PTPRA: variants seen among roughly 807,000 people sequenced by gnomAD.
PTPRA encodes the protein protein tyrosine phosphatase receptor type A, also known as receptor-type tyrosine-protein phosphatase alpha.
A neutral mutation model predicts 104.8 loss-of-function variants in PTPRA; 25 were observed. The ratio of observed to expected loss-of-function variants is 0.24; its 90% CI spans 0.17 to 0.33. The LOEUF (loss-of-function observed/expected upper bound fraction) is 0.33. Ranked by LOEUF, PTPRA falls within the 10% of genes least tolerant of loss-of-function variation. The probability of loss-of-function intolerance (pLI) is 1.00; values close to 1 mark genes in which losing one functional copy is unlikely to be tolerated. For synonymous variants in PTPRA, 323 were observed against 368.9 expected, an observed-to-expected ratio of 0.88 and a Z score of 1.43; for missense variants, 765 against 1,015.3, an observed-to-expected ratio of 0.75 and a Z score of 3.35.
chr20:3,029,540 C>CTTTTTTTTTTTTTTTTT (rs71195813), intron 20 of PTPRA, among the ~76,000 whole-genome samples: 1,103 of 78,002 alleles, frequency 0.014, 240 homozygotes, highest in East Asian at 0.022. Context: ...TCTTCATCAT[C>CTTTTTTTTTTTTTTTTT]TTTTTTTTTT....
chr20:2,864,913 G>T, the PTPRA span: 232 of 1,604,282 alleles, frequency 1.4e-4, no homozygotes, highest in African/African-American at 2.6e-3. This position sits in a 1 kb window ranked among gnomAD's most constrained non-coding sequence, Gnocchi z 5.2. Context: ...GAAGACTGTA[G>T]CCTGGGTGAG....
intron 3 of PTPRA, among the ~76,000 whole-genome samples, chr20:2,949,365 T>C (rs1001345343): frequency 6.6e-6 from 1 of 151,916 alleles, no homozygotes; most frequent in South Asian, 2.1e-4. Context: ...TCACCATGCC[T>C]GGCCTAAATT....
chr20:3,020,137 C>CTG (rs1177425342), intron 13 of PTPRA, among the ~76,000 whole-genome samples: 2 of 152,132 alleles, frequency 1.3e-5, no homozygotes, highest in African/African-American at 2.4e-5. Flanking sequence ...GAGACGGAGT[C>CTG]TCGCTCTGTC....
At chr20:2,962,525 A>G (rs1382515446) in intron 3 of PTPRA, among the ~76,000 whole-genome samples, 1 of 152,216 alleles carries the variant, frequency 6.6e-6, no homozygotes, top group Non-Finnish European at 1.5e-5. Flanking sequence ...ACATGTATAC[A>G]TATACATATA....
chr20:2,970,510 T>G (rs1452574538), intron 5 of PTPRA, among the ~76,000 whole-genome samples: 1 of 152,208 alleles, frequency 6.6e-6, no homozygotes, highest in Non-Finnish European at 1.5e-5. Context: ...TTCTGAGCAT[T>G]CTCTGTTGAT....
intron 9 of PTPRA, among the ~76,000 whole-genome samples, chr20:2,993,257 A>G (rs1036948967): frequency 1.3e-5 from 2 of 152,170 alleles, no homozygotes; most frequent in Admixed American, 1.3e-4. Flanking sequence ...AAGGGGCAAC[A>G]AGTTGTCTTT....
At chr20:2,960,861 TA>T (rs980712160) in intron 3 of PTPRA, among the ~76,000 whole-genome samples, 1 of 151,866 alleles carries the variant, frequency 6.6e-6, no homozygotes, top group Non-Finnish European at 1.5e-5. Flanking sequence ...TTTTTTTTTT[TA>T]ACCAGTGATC....
At chr20:2,929,889 G>A (rs1272164018) in intron 2 of PTPRA, among the ~76,000 whole-genome samples, 2 of 152,138 alleles carry the variant, frequency 1.3e-5, no homozygotes, top group African/African-American at 4.8e-5. Flanking sequence ...GCTCTAATTT[G>A]ATGTGACTGG....
Position 3,005,108 on chromosome 20 carries a change from A to G in PTPRA, c.791A>G (p.Glu264Gly). ...ACCTGTGAGGCTGCTTCCAAGGAGG[A>G]AAACAAGGAAAAAAATCGATATGTA... ...QATCEAASKE[E>G]NKEKNRYVNI... is the part of the protein sequence containing the mutation. Residue 264 changes from glutamate (E) to glycine (G), a missense_variant, in exon 10 of 24, where the codon GAA becomes GGA. By Grantham distance (98) the Glu-to-Gly change is moderately conservative. Around this residue, in one of 4 missense-constraint regions of PTPRA, gnomAD observed 245 missense variants for 398.7 expected, o/e 0.61. Coordinates refer to ENST00000399903, the MANE Select transcript of PTPRA (RefSeq NM_001385305.1). 6.2e-7 allele frequency: 1 copy of G among 1,610,928 alleles called. No homozygotes were observed. Among genetic ancestry groups the G allele is most frequent in the Non-Finnish European group, 8.5e-7 (1 of 1,177,080 alleles).
chr20:3,022,224 A>T lies in PTPRA; in HGVS notation c.1328+4A>T. On this transcript the variant is annotated splice_donor_region_variant and intron_variant, in intron 15 of 23. Transcript: ENST00000399903. The surrounding 1 kb of genome is among the most constrained non-coding windows in gnomAD (Gnocchi z 4.6). ...GGGCCATCGTGGTCCACTGCAGGTC[A>T]GTGTGGCCTGACCCTTGTACCCCCA... 6.2e-7 allele frequency: 1 copy of T among 1,613,928 alleles called. No homozygotes were observed. Among genetic ancestry groups the T allele is most frequent in the Non-Finnish European group, 8.5e-7 (1 of 1,179,840 alleles).
rs959149131 is a variant in PTPRA at position 2,951,650 on chromosome 20, C to T, written c.-7+3626C>T. 1.6e-4 allele frequency among the ~76,000 whole-genome samples: 25 copies of T among 152,280 alleles called. 1 individual carries two copies. The highest frequency in any genetic ancestry group is 5.5e-4 in the African/African-American group (23 of 41,578). On this transcript the variant is annotated intron_variant, in intron 3 of 23. Transcript: ENST00000399903. ...CTTACCCTGCCTTGCCCATTCCTTC[C>T]GCTGAAACCACATAAAGGCTCTTGC...
chr20:2,992,159 C>T (rs1298709654), intron 9 of PTPRA, among the ~76,000 whole-genome samples: 5 of 152,178 alleles, frequency 3.3e-5, no homozygotes, highest in Admixed American at 3.3e-4. Flanking sequence ...ATAGAGATCA[C>T]TTCCAGCTGA....
At chr20:2,910,247 AAT>A (rs1284980146) in intron 1 of PTPRA, among the ~76,000 whole-genome samples, 148 of 99,538 alleles carry the variant, frequency 1.5e-3, no homozygotes, top group East Asian at 7.3e-3. Flanking sequence ...TATTATATAT[AAT>A]ATATATATAA....
intron 3 of PTPRA, among the ~76,000 whole-genome samples, chr20:2,952,547 T>C (rs1288322794): frequency 1.3e-5 from 2 of 152,186 alleles, no homozygotes; most frequent in African/African-American, 4.8e-5. Flanking sequence ...TAAAAAAAAT[T>C]GTAGTTAAAA....
chr20:2,898,335 C>T (rs2059099424), intron 1 of PTPRA, among the ~76,000 whole-genome samples: 2 of 151,670 alleles, frequency 1.3e-5, no homozygotes, highest in Admixed American at 1.3e-4. Context: ...CCACCTCGGC[C>T]TCCCAAAGTG....
the PTPRA span, chr20:2,864,512 G>C: frequency 6.2e-7 from 1 of 1,613,914 alleles, no homozygotes; most frequent in African/African-American, 1.3e-5. This position sits in a 1 kb window ranked among gnomAD's most constrained non-coding sequence, Gnocchi z 5.2. Flanking sequence ...CACTTGAGTT[G>C]GCCTTGCTGA....
intron 2 of PTPRA, among the ~76,000 whole-genome samples, chr20:2,940,432 AGGCATATAC>A (rs2147646125): frequency 6.6e-6 from 1 of 152,096 alleles, no homozygotes; most frequent in South Asian, 2.1e-4. Flanking sequence ...CTGGGACTAC[AGGCATATAC>A]CCCCATACCT....
chr20:2,982,723 G>A (rs796677241), intron 6 of PTPRA, among the ~76,000 whole-genome samples: 170 of 150,384 alleles, frequency 1.1e-3, no homozygotes, highest in African/African-American at 4.0e-3. Flanking sequence ...TTGAGACAGA[G>A]TCTCGCTCTA....
chr20:2,975,909 C>T (rs940396325), intron 6 of PTPRA, among the ~76,000 whole-genome samples: 6 of 152,254 alleles, frequency 3.9e-5, no homozygotes, highest in East Asian at 1.9e-4. Flanking sequence ...TGTTACTATT[C>T]GAAGCAGTGT....
Sources: allele counts gnomAD v4.1 joint callset (sites outside exome capture counted in the v4.1 genomes callset), GRCh38; gene constraint gnomAD v4.1.1; regional missense constraint gnomAD v4.1.1; non-coding constraint Gnocchi (gnomAD v3.1); transcripts MANE v1.5; gene names NCBI Gene and HGNC (gene_info 2026-07-23, HGNC 2026-07-21).